Variants in PLA2G2A observed in about 807,000 individuals in gnomAD.
PLA2G2A encodes the protein phospholipase A2, membrane associated.
A neutral mutation model predicts 11.2 loss-of-function variants in PLA2G2A; 6 were observed. The observed-to-expected ratio is 0.54, with a 90% CI of 0.29 to 1.06. The LOEUF is 1.06. Among genes scored for constraint, PLA2G2A ranks in the 50% least tolerant of loss-of-function variants. The pLI, the probability that PLA2G2A is intolerant of heterozygous loss-of-function variation, is 0.08. For missense variants in PLA2G2A, 133 were observed against 177.1 expected, an observed-to-expected ratio of 0.75 and a Z score of 1.41; for synonymous variants, 69 against 65.8, an observed-to-expected ratio of 1.05 and a Z score of -0.23.
At chr1:19,976,456 A>T (rs2100410125) in intron 4 of PLA2G2A, among the ~76,000 whole-genome samples, 1 of 152,304 alleles carries the variant, frequency 6.6e-6, no homozygotes, top group Non-Finnish European at 1.5e-5. Context: ...ACATGGCTGG[A>T]AAGCTGCCCC....
chr1:19,977,098 T>C (rs1219683387), intron 4 of PLA2G2A, among the ~76,000 whole-genome samples: 1 of 152,194 alleles, frequency 6.6e-6, no homozygotes, highest in Non-Finnish European at 1.5e-5. Context: ...CTTCTGAATC[T>C]GTGTCCCAGT....
intron 4 of PLA2G2A, among the ~76,000 whole-genome samples, chr1:19,976,312 G>C (rs568463709): frequency 6.6e-6 from 1 of 152,334 alleles, no homozygotes; most frequent in Non-Finnish European, 1.5e-5. Context: ...CAAAAAGAGA[G>C]ATGCCCAAAA....
chr1:19,979,424 C>T (rs1296336385), intron 1 of PLA2G2A, among the ~76,000 whole-genome samples, 156 bp downstream of exon 1: 1 of 152,168 alleles, frequency 6.6e-6, no homozygotes, highest in Non-Finnish European at 1.5e-5. Context: ...TCCTCTCTTA[C>T]ACTACACTCA....
chr1:19,977,004 C>T (rs2046229314), intron 4 of PLA2G2A, among the ~76,000 whole-genome samples: 1 of 152,194 alleles, frequency 6.6e-6, no homozygotes, highest in South Asian at 2.1e-4. Context: ...TTCTCCCTCT[C>T]TGTCCATCCC....
chr1:19,978,199 C>G (rs2046248110), intron 3 of PLA2G2A, 78 bp from the exon 4 acceptor site: 3 of 1,363,828 alleles, frequency 2.2e-6, no homozygotes, highest in Non-Finnish European at 2.1e-6. Context: ...CCCCCTTGGA[C>G]CCTGGGCAGA....
intron 3 of PLA2G2A, 61 bp from the exon 4 acceptor site, chr1:19,978,182 G>T: frequency 7.1e-7 from 1 of 1,400,614 alleles, no homozygotes; most frequent in Non-Finnish European, 1.0e-6. Flanking sequence ...TGGTGCCTGT[G>T]GTCTCACCCC....
upstream of PLA2G2A, chr1:19,980,214 G>A (rs2046281163): frequency 6.6e-6 from 1 of 152,242 alleles, no homozygotes; most frequent in Admixed American, 6.6e-5. Flanking sequence ...CCACTAACTT[G>A]GGCCAGGGCC....
intron 1 of PLA2G2A, among the ~76,000 whole-genome samples, 167 bp downstream of exon 1, chr1:19,979,413 A>G (rs1407922679): frequency 6.6e-6 from 1 of 152,144 alleles, no homozygotes; most frequent in African/African-American, 2.4e-5. Context: ...TAGTGCCAAC[A>G]TCCTCTCTTA....
At chr1:19,978,185 C>A in intron 3 of PLA2G2A, 64 bp from the exon 4 acceptor site, 1 of 1,396,764 alleles carries the variant, frequency 7.2e-7, no homozygotes, top group South Asian at 1.2e-5. Context: ...TGCCTGTGGT[C>A]TCACCCCCTT....
chr1:19,978,174 G>C, intron 3 of PLA2G2A, 53 bp from the exon 4 acceptor site: 6 of 1,433,272 alleles, frequency 4.2e-6, no homozygotes, highest in Non-Finnish European at 5.9e-6. Flanking sequence ...AGGAGGCCTG[G>C]TGCCTGTGGT....
Sources: allele counts gnomAD v4.1 joint callset (sites outside exome capture counted in the v4.1 genomes callset), GRCh38; gene constraint gnomAD v4.1.1; transcripts MANE v1.5; gene names NCBI Gene and HGNC (gene_info 2026-07-23, HGNC 2026-07-21).